Variants in RFTN1 observed in about 807,000 individuals in gnomAD.
The protein encoded by RFTN1 is raftlin.
A neutral mutation model predicts 46.5 loss-of-function variants in RFTN1; 26 were observed. The observed-to-expected ratio is 0.56, with a 90% CI of 0.41 to 0.78. RFTN1 has a LOEUF of 0.78. Ranked by LOEUF, RFTN1 falls within the 30% of genes least tolerant of loss-of-function variation. The pLI, the probability that RFTN1 is intolerant of heterozygous loss-of-function variation, is 0.00. For missense variants in RFTN1, 693 were observed against 718.7 expected (o/e 0.96, Z 0.41); for synonymous variants, 261 against 284.2 (o/e 0.92, Z 0.82).
rs1350735468 is a variant in RFTN1 at position 16,407,805 on chromosome 3, TTAAA to T, written c.441+1566_441+1569del. Among the ~76,000 whole-genome samples the T allele has an allele frequency of 6.6e-6, 1 of 152,126 alleles. No individual in the cohort carries two copies. The highest frequency in any genetic ancestry group is 1.5e-5 in the Non-Finnish European group (1 of 68,016). ...AGCTACTTCCCCCCTCCCCCATTTC[TTAAA>T]TAATAATCTGAATTCTACCAGAGTA... On this transcript the variant is annotated intron_variant, in intron 4 of 9. Coordinates refer to ENST00000334133, the MANE Select transcript of RFTN1 (RefSeq NM_015150.2). This position sits in a 1 kb window ranked among gnomAD's most constrained non-coding sequence, Gnocchi z 4.0.
At position 16,323,410 on chromosome 3, in the gene RFTN1, C is replaced by T; in HGVS notation, c.1298G>A (p.Cys433Tyr). ...CTTCTTCTTGATTTTCTGAGGTAGA[C>T]AAGGTCTCTGAAGAAAGACAATCTG... ...TKQIVFLQRP[C>Y]LPQKIKKKES... The change falls in exon 9 of 10, where the codon TGT becomes TAT. Residue 433 changes from cysteine (C) to tyrosine (Y), a missense_variant. Coordinates refer to ENST00000334133, the MANE Select transcript of RFTN1 (RefSeq NM_015150.2). 1.9e-6 allele frequency: 3 copies of T among 1,612,352 alleles called. No homozygotes were observed. Among genetic ancestry groups the T allele is most frequent in the Non-Finnish European group, 2.5e-6 (3 of 1,178,464 alleles).
intron 6 of RFTN1, among the ~76,000 whole-genome samples, chr3:16,359,833 G>A (rs2072713638): frequency 6.6e-6 from 1 of 151,838 alleles, no homozygotes; most frequent in Non-Finnish European, 1.5e-5. Context: ...TTTTCATGGG[G>A]AGGGAAGGGA....
chr3:16,339,303 C>T (rs1011489956), intron 7 of RFTN1: 2 of 152,280 alleles, frequency 1.3e-5, no homozygotes, highest in African/African-American at 2.4e-5. Context: ...CCTCCTTATG[C>T]TCTGCTCTTA....
rs187778948 is a variant in RFTN1 at position 16,387,165 on chromosome 3, C to A, written c.442-9063G>T. ...CACTCTCCTCCTATTATATCCTTGG[C>A]TTTCTCTGTCTGACACATCCCACAA... On this transcript the variant is annotated intron_variant, in intron 4 of 9. Coordinates refer to ENST00000334133, the MANE Select transcript of RFTN1 (RefSeq NM_015150.2). This position sits in a 1 kb window ranked among gnomAD's most constrained non-coding sequence, Gnocchi z 5.2. Among the ~76,000 whole-genome samples, 1 of 152,342 alleles carries A rather than the reference C, an allele frequency of 6.6e-6. No individual in the cohort carries two copies. Among genetic ancestry groups the A allele is most frequent in the East Asian group, 1.9e-4 (1 of 5,182 alleles).
chr3:16,351,499 C>T lies in RFTN1; in HGVS notation c.1146+6433G>A, dbSNP rs2072101108. The stretch of plus-strand genomic sequence containing the variant: ...GAGTGGAGAAGAGCTGACTCCAGAG[C>T]CTCATGACAAAGTCTGCGGGGTTGC... On this transcript the variant is annotated intron_variant, in intron 7 of 9. Coordinates refer to ENST00000334133, the MANE Select transcript of RFTN1 (RefSeq NM_015150.2). The surrounding 1 kb of genome is among the most constrained non-coding windows in gnomAD (Gnocchi z 5.4). 6.6e-6 allele frequency among the ~76,000 whole-genome samples: 1 copy of T among 152,174 alleles called. No homozygotes were observed. The highest frequency in any genetic ancestry group is 2.4e-5 in the African/African-American group (1 of 41,436).
In RFTN1 at chr3:16,383,069, C is replaced by A. The variant is rs745552603; in HGVS notation, c.442-4967G>T. On this transcript the variant is annotated intron_variant, in intron 4 of 9. Transcript: ENST00000334133. This position sits in a 1 kb window ranked among gnomAD's most constrained non-coding sequence, Gnocchi z 4.0. ...CATTCCCTTAGGCCTCAAAATCATA[C>A]CTTACAGAAGAGAAAACTGCTTAAG... is the stretch of plus-strand genomic sequence containing the variant. 3.9e-5 allele frequency among the ~76,000 whole-genome samples: 6 copies of A among 152,178 alleles called. No individual in the cohort carries two copies. The highest frequency in any genetic ancestry group is 8.8e-5 in the Non-Finnish European group (6 of 68,034).
rs925483637 is a variant in RFTN1, at chr3:16,468,949, C to T, written c.145+24776G>A. Among the ~76,000 whole-genome samples the T allele has an allele frequency of 6.6e-6, 1 of 152,250 alleles. No individual in the cohort carries two copies. Among genetic ancestry groups the T allele is most frequent in the South Asian group, 2.1e-4 (1 of 4,836 alleles). On this transcript the variant is annotated intron_variant, in intron 2 of 9. Coordinates refer to ENST00000334133, the MANE Select transcript of RFTN1 (RefSeq NM_015150.2). This position sits in a 1 kb window ranked among gnomAD's most constrained non-coding sequence, Gnocchi z 4.4. ...TCACTGCCAAAAGGCCAATCCATTC[C>T]CCCCATCACTCAGCCTGCCTGAATC...
chr3:16,402,314 C>T lies in RFTN1; in HGVS notation c.441+7061G>A, dbSNP rs2074625819. 6.6e-6 allele frequency among the ~76,000 whole-genome samples: 1 copy of T among 152,180 alleles called. No individual in the cohort carries two copies. The highest frequency in any genetic ancestry group is 2.4e-5 in the African/African-American group (1 of 41,436). On this transcript the variant is annotated intron_variant, in intron 4 of 9. Coordinates refer to ENST00000334133, the MANE Select transcript of RFTN1 (RefSeq NM_015150.2). This position sits in a 1 kb window ranked among gnomAD's most constrained non-coding sequence, Gnocchi z 4.5. ...TGAAGACACAACAGTAAGCAGGGTACCCCATTGCCCCCTGCAAGGCCTGCG... is the reference window on the plus strand; with the variant it reads ...TGAAGACACAACAGTAAGCAGGGTATCCCATTGCCCCCTGCAAGGCCTGCG...
In RFTN1 at chr3:16,473,564, C is replaced by A. The variant is rs1331067829; in HGVS notation, c.145+20161G>T. 1.3e-5 allele frequency among the ~76,000 whole-genome samples: 2 copies of A among 152,048 alleles called. No homozygotes were observed. Among genetic ancestry groups the A allele is most frequent in the African/African-American group, 4.8e-5 (2 of 41,510 alleles). On this transcript the variant is annotated intron_variant, in intron 2 of 9. Coordinates refer to ENST00000334133, the MANE Select transcript of RFTN1 (RefSeq NM_015150.2). This position sits in a 1 kb window ranked among gnomAD's most constrained non-coding sequence, Gnocchi z 5.3. ...TACAGGCATGCACCGCCCTGCCTGG[C>A]TAATTTTTTTGTATTTTTTTTTAGT...
chr3:16,317,296 C>T lies in RFTN1; in HGVS notation c.1333-64G>A, dbSNP rs2068513150. 3.2e-6 allele frequency: 5 copies of T among 1,554,058 alleles called. No homozygotes were observed. Among genetic ancestry groups the T allele is most frequent in the Non-Finnish European group, 4.4e-6 (5 of 1,145,678 alleles). On this transcript the variant is annotated intron_variant, in intron 9 of 9. Transcript: ENST00000334133. The surrounding 1 kb of genome is among the most constrained non-coding windows in gnomAD (Gnocchi z 4.3). Reference sequence around the variant, plus strand: ...CGGGAACCCAGAGCTTCACCCAAAGCCTTGTTTGCATTCATACCCACACCA... The same window carrying T: ...CGGGAACCCAGAGCTTCACCCAAAGTCTTGTTTGCATTCATACCCACACCA...
In RFTN1 at chr3:16,410,461, A is replaced by C. The variant is rs1422648645; in HGVS notation, c.333-978T>G. ...AAAAGTGAATTTAGCCATAATCCCT[A>C]ATTGTTTTCATTTTTAAATGAAAAG... On this transcript the variant is annotated intron_variant, in intron 3 of 9. Transcript: ENST00000334133. The surrounding 1 kb of genome is among the most constrained non-coding windows in gnomAD (Gnocchi z 4.6). 1.3e-5 allele frequency among the ~76,000 whole-genome samples: 2 copies of C among 152,096 alleles called. No homozygotes were observed. Among genetic ancestry groups the C allele is most frequent in the Non-Finnish European group, 2.9e-5 (2 of 68,014 alleles).
intron 3 of RFTN1, among the ~76,000 whole-genome samples, chr3:16,414,741 T>G (rs1298996036): frequency 6.6e-6 from 1 of 151,928 alleles, no homozygotes; most frequent in Admixed American, 6.6e-5. Context: ...AAATTTGGAA[T>G]AAAGACTTCC....
At chr3:16,431,960 G>A (rs1043210277) in intron 3 of RFTN1, among the ~76,000 whole-genome samples, 1 of 152,172 alleles carries the variant, frequency 6.6e-6, no homozygotes, top group Non-Finnish European at 1.5e-5. Flanking sequence ...AACTCTGCTT[G>A]CTGCCATCCG....
In RFTN1 at chr3:16,493,762, A is replaced by T; in HGVS notation, c.108T>A (p.Tyr36Ter). 6.2e-7 allele frequency: 1 copy of T among 1,613,246 alleles called. No homozygotes were observed. Among genetic ancestry groups the T allele is most frequent in the Non-Finnish European group, 8.5e-7 (1 of 1,179,960 alleles). Residue 36 changes from tyrosine (Y) to a stop codon, truncating the protein, a stop_gained, in exon 2 of 10, where the codon TAT becomes TAA. Transcript: ENST00000334133. LOFTEE classifies it high-confidence loss of function. ...PQVETKIDVS[Y>*]EYRFLEFTTL... ...TCGTGAACTCCAGGAAGCGGTATTCATAGGACACATCTATCTTGGTTTCCA... is the reference window on the plus strand; with the variant it reads ...TCGTGAACTCCAGGAAGCGGTATTCTTAGGACACATCTATCTTGGTTTCCA...
rs569500431 is a variant in RFTN1 at position 16,435,422 on chromosome 3, T to G, written c.146-1385A>C. ...CATCTCTGCTAAAAATATAAAAAAT[T>G]AGTCCGGTGTGGTGGTGCATGCCTG... On this transcript the variant is annotated intron_variant, in intron 2 of 9. Transcript: ENST00000334133. 4.5e-4 allele frequency among the ~76,000 whole-genome samples: 69 copies of G among 152,154 alleles called. No homozygotes were observed. In the South Asian group the frequency reaches 0.014, roughly 30 times the overall value.
At chr3:16,365,947 A>G (rs1332972938) in intron 6 of RFTN1, among the ~76,000 whole-genome samples, 1 of 152,246 alleles carries the variant, frequency 6.6e-6, no homozygotes, top group Non-Finnish European at 1.5e-5. Context: ...CTGTTACTGG[A>G]GTAGATTCTG....
At position 16,426,660 on chromosome 3, in the gene RFTN1, C is replaced by CGTGTGTGTGTGTGTGTGT. The variant is rs34705903; in HGVS notation, c.332+7173_332+7190dup. ...ACTGTTATTTTGGCAATGAAAGGAT[C>CGTGTGTGTGTGTGTGTGT]GTGTGTGTGTGTGTGTGTGTGTGTG... is the stretch of plus-strand genomic sequence containing the variant. On this transcript the variant is annotated intron_variant, in intron 3 of 9. Transcript: ENST00000334133. The surrounding 1 kb of genome is among the most constrained non-coding windows in gnomAD (Gnocchi z 5.9). Among the ~76,000 whole-genome samples, 33 of 142,120 alleles carry CGTGTGTGTGTGTGTGTGT rather than the reference C, an allele frequency of 2.3e-4. 1 individual carries two copies. The highest frequency in any genetic ancestry group is 5.9e-4 in the African/African-American group (22 of 37,600). The allele number at this position is 142,120 out of a possible 152,430, so 93.2% of individuals were successfully genotyped here.
At chr3:16,347,090 C>T (rs563774824) in intron 7 of RFTN1, among the ~76,000 whole-genome samples, 15 of 152,284 alleles carry the variant, frequency 9.9e-5, no homozygotes, top group Non-Finnish European at 1.8e-4. Context: ...TGGCCTTTCC[C>T]CCATTCTGGC....
chr3:16,373,700 G>A (rs1354389867), intron 5 of RFTN1, among the ~76,000 whole-genome samples: 1 of 152,238 alleles, frequency 6.6e-6, no homozygotes, highest in Non-Finnish European at 1.5e-5. Flanking sequence ...AGGGCTAGAT[G>A]TGGGAGGAGG....
Sources: allele counts gnomAD v4.1 joint callset (sites outside exome capture counted in the v4.1 genomes callset), GRCh38; gene constraint gnomAD v4.1.1; non-coding constraint Gnocchi (gnomAD v3.1); transcripts MANE v1.5; gene names NCBI Gene and HGNC (gene_info 2026-07-23, HGNC 2026-07-21).